Variants in MAGI1 observed in about 807,000 individuals in gnomAD.
MAGI1 encodes the protein membrane-associated guanylate kinase, WW and PDZ domain-containing protein 1.
A neutral mutation model predicts 139.9 loss-of-function variants in MAGI1; 58 were observed. That is an observed-to-expected ratio of 0.41 (90% CI 0.34 to 0.52). The LOEUF is 0.52. MAGI1 is among the 20% of genes least tolerant of loss of function. The probability of loss-of-function intolerance (pLI) is 0.12; values close to 1 mark genes in which losing one functional copy is unlikely to be tolerated. For missense variants in MAGI1, 1,874 were observed against 1,901.6 expected, an observed-to-expected ratio of 0.99 and a Z score of 0.27; for synonymous variants, 812 against 737.9, an observed-to-expected ratio of 1.10 and a Z score of -1.63.
At chr3:65,391,386 G>A (rs777588757) in intron 13 of MAGI1, 28 bp from the exon 14 acceptor site, 1 of 1,586,288 alleles carries the variant, frequency 6.3e-7, no homozygotes, top group East Asian at 2.2e-5. Context: ...AGAGGGGCAA[G>A]AAGAAAAGAT....
chr3:65,733,681 C>T (rs2034421983), intron 1 of MAGI1, among the ~76,000 whole-genome samples: 1 of 152,196 alleles, frequency 6.6e-6, no homozygotes, highest in African/African-American at 2.4e-5. Context: ...CCAGTCCCTT[C>T]CTTGGATGTT....
chr3:65,636,566 G>C (rs1035138983), intron 1 of MAGI1, among the ~76,000 whole-genome samples: 1 of 152,050 alleles, frequency 6.6e-6, no homozygotes, highest in Non-Finnish European at 1.5e-5. Flanking sequence ...CTGCCATCCT[G>C]GTTTCCCCTC....
chr3:65,488,405 C>T (rs1951764994), intron 3 of MAGI1, among the ~76,000 whole-genome samples: 1 of 149,550 alleles, frequency 6.7e-6, no homozygotes, highest in African/African-American at 2.5e-5. Flanking sequence ...GGCACAATCT[C>T]AGCTCACTGC....
intron 5 of MAGI1, among the ~76,000 whole-genome samples, chr3:65,455,003 T>C (rs897911507): frequency 6.6e-6 from 1 of 152,162 alleles, no homozygotes; most frequent in Admixed American, 6.5e-5. Flanking sequence ...AACTGGGAAT[T>C]AAACCCAGAA....
chr3:65,883,650 T>G (rs2060421768), intron 1 of MAGI1, among the ~76,000 whole-genome samples: 1 of 152,236 alleles, frequency 6.6e-6, no homozygotes, highest in South Asian at 2.1e-4. Flanking sequence ...CTTTAAACAC[T>G]GGCATCAGAC....
chr3:65,477,946 C>T (rs536002414), intron 4 of MAGI1, among the ~76,000 whole-genome samples: 2 of 151,564 alleles, frequency 1.3e-5, no homozygotes, highest in East Asian at 3.9e-4. Context: ...CGGAGGTAGA[C>T]AGCCCTGAAT....
intron 1 of MAGI1, among the ~76,000 whole-genome samples, chr3:65,797,697 C>T (rs2040237642): frequency 6.6e-6 from 1 of 152,108 alleles, no homozygotes; most frequent in Non-Finnish European, 1.5e-5. Flanking sequence ...GCTTGAGCAA[C>T]ACAGTGAGAC....
At chr3:65,744,915 C>A (rs1168131477) in intron 1 of MAGI1, among the ~76,000 whole-genome samples, 1 of 151,914 alleles carries the variant, frequency 6.6e-6, no homozygotes, top group Non-Finnish European at 1.5e-5. Flanking sequence ...TTTTTCATCA[C>A]CTGGAAGAGA....
At chr3:65,434,638 A>G (rs1003591235) in intron 10 of MAGI1, among the ~76,000 whole-genome samples, 1 of 152,190 alleles carries the variant, frequency 6.6e-6, no homozygotes, top group Non-Finnish European at 1.5e-5. Flanking sequence ...TGGCTAATCA[A>G]GACACTTAAC....
chr3:65,375,702 G>C (rs761977168), intron 18 of MAGI1, 43 bp downstream of exon 18: 3 of 1,393,208 alleles, frequency 2.2e-6, no homozygotes, highest in Admixed American at 3.4e-5. Context: ...GACAGAGAGA[G>C]AGAAAAAGAG....
chr3:65,684,752 A>G (rs900729864), intron 1 of MAGI1, among the ~76,000 whole-genome samples: 1 of 151,886 alleles, frequency 6.6e-6, no homozygotes, highest in African/African-American at 2.4e-5. Context: ...CCCTGGCAAG[A>G]GTGCAGTGCC....
At chr3:65,804,183 G>A (rs905346243) in intron 1 of MAGI1, among the ~76,000 whole-genome samples, 1 of 151,834 alleles carries the variant, frequency 6.6e-6, no homozygotes, top group Non-Finnish European at 1.5e-5. Flanking sequence ...CCAATGGCCT[G>A]GCAGAGACCC....
chr3:65,622,476 C>T (rs1524967), intron 1 of MAGI1, among the ~76,000 whole-genome samples: 65,163 of 151,984 alleles, frequency 0.43, 14,219 homozygotes, highest in African/African-American at 0.45. Context: ...TGTTCTTTGA[C>T]CAGGGATTCG....
intron 2 of MAGI1, among the ~76,000 whole-genome samples, chr3:65,577,581 C>G (rs1246833869): frequency 1.3e-5 from 2 of 152,140 alleles, no homozygotes; most frequent in African/African-American, 4.8e-5. Flanking sequence ...TCAAAACAGT[C>G]CTTGAAGAAT....
At chr3:65,804,156 T>TCA (rs1171146167) in intron 1 of MAGI1, among the ~76,000 whole-genome samples, 1 of 151,950 alleles carries the variant, frequency 6.6e-6, no homozygotes, top group Non-Finnish European at 1.5e-5. Context: ...CAGAAAAGCA[T>TCA]CACACTATTA....
intron 1 of MAGI1, among the ~76,000 whole-genome samples, chr3:65,803,885 C>G (rs2040674290): frequency 1.3e-5 from 2 of 152,094 alleles, no homozygotes; most frequent in African/African-American, 4.8e-5. Context: ...ATGAATTTTG[C>G]ATATGACAAA....
intron 2 of MAGI1, among the ~76,000 whole-genome samples, chr3:65,560,490 A>G (rs769620104): frequency 1.3e-5 from 2 of 152,224 alleles, no homozygotes; most frequent in East Asian, 1.9e-4. Context: ...CATCTTTTCT[A>G]TCCTTTAATA....
intron 2 of MAGI1, among the ~76,000 whole-genome samples, chr3:65,540,157 G>A (rs2107900435): frequency 6.6e-6 from 1 of 152,244 alleles, no homozygotes; most frequent in Admixed American, 6.5e-5. Context: ...AACAACTTAT[G>A]CTATATGTTA....
At chr3:65,475,665 G>C (rs1163216618) in intron 4 of MAGI1, among the ~76,000 whole-genome samples, 1 of 152,150 alleles carries the variant, frequency 6.6e-6, no homozygotes, top group East Asian at 1.9e-4. Flanking sequence ...AATAATTTGG[G>C]CACAATTTGT....
Sources: gnomAD v4.1 joint callset for allele counts (sites outside exome capture counted in the v4.1 genomes callset) on GRCh38, gnomAD v4.1.1 for gene constraint, MANE v1.5 for transcripts, NCBI Gene and HGNC (gene_info 2026-07-23, HGNC 2026-07-21) for gene names.